The following MALRD1 variants were observed in gnomAD, a reference collection of about 807,000 sequenced individuals.
MALRD1 encodes the protein MAM and LDL receptor class A domain containing 1, also known as MAM and LDL-receptor class A domain-containing protein 1.
In MALRD1, 247 loss-of-function variants were observed where a neutral mutation model predicts 242.1. The ratio of observed to expected loss-of-function variants is 1.02; its 90% CI spans 0.92 to 1.13. MALRD1 has a LOEUF of 1.13. Ranked by LOEUF, MALRD1 falls within the 50% of genes most tolerant of loss-of-function variation. The pLI is 0.00. For missense variants in MALRD1, 2,989 were observed against 2,533.1 expected, an observed-to-expected ratio of 1.18 and a Z score of -3.86; for synonymous variants, 995 against 866.6, an observed-to-expected ratio of 1.15 and a Z score of -2.60.
rs545990722 is a variant in MALRD1 at position 19,454,366 on chromosome 10, G to C, written c.5029+3876G>C. Among the ~76,000 whole-genome samples, 651 of 134,776 alleles carry C rather than the reference G, an allele frequency of 4.8e-3. 9 individuals carry two copies. The highest frequency in any genetic ancestry group is 0.018 in the African/African-American group (619 of 35,016). 88.4% of individuals were successfully genotyped at this position (134,776 alleles called of 152,430 possible). On this transcript the variant is annotated intron_variant, in intron 29 of 39. Coordinates refer to ENST00000454679, the MANE Select transcript of MALRD1 (RefSeq NM_001142308.3). ...GAAAATGCAGCCAGGTTTGAGAATT[G>C]GTTGTGAGTAGAAATGAGGAAAGGT...
intron 34 of MALRD1, 134 bp from the exon 35 acceptor site, chr10:19,607,643 T>G: frequency 3.4e-6 from 4 of 1,191,132 alleles, no homozygotes; most frequent in Non-Finnish European, 4.5e-6. Context: ...AAAAGAACTG[T>G]GTTCTAAAAT....
chr10:19,183,896 A>G (rs538182893), intron 14 of MALRD1, among the ~76,000 whole-genome samples: 8 of 152,336 alleles, frequency 5.3e-5, no homozygotes, highest in African/African-American at 1.9e-4. Context: ...CCAGGTGTAC[A>G]GGTTTTCAAG....
At chr10:19,491,108 A>G (rs1320132894) in intron 29 of MALRD1, 12 of 341,588 alleles carry the variant, frequency 3.5e-5, no homozygotes, top group African/African-American at 2.1e-4. Flanking sequence ...TGTCTTTGCT[A>G]TAGACTCAGA....
chr10:19,216,261 G>A (rs1013417778), intron 18 of MALRD1, among the ~76,000 whole-genome samples: 4 of 151,612 alleles, frequency 2.6e-5, no homozygotes, highest in African/African-American at 9.7e-5. Flanking sequence ...GGGACTATAG[G>A]TGCCTGCCAC....
At chr10:19,424,646 A>T (rs1253587302) in intron 28 of MALRD1, among the ~76,000 whole-genome samples, 1 of 152,186 alleles carries the variant, frequency 6.6e-6, no homozygotes, top group Non-Finnish European at 1.5e-5. Flanking sequence ...AAATGTGTTC[A>T]TTGCTTTTGT....
intron 18 of MALRD1, among the ~76,000 whole-genome samples, chr10:19,247,054 G>A (rs1419041352): frequency 1.3e-5 from 2 of 152,036 alleles, no homozygotes; most frequent in African/African-American, 4.8e-5. Flanking sequence ...GATGAAAGAT[G>A]TTTAGCAAAA....
intron 2 of MALRD1, among the ~76,000 whole-genome samples, chr10:19,077,529 T>C (rs573868632): frequency 6.6e-6 from 1 of 151,926 alleles, no homozygotes; most frequent in Non-Finnish European, 1.5e-5. Context: ...TTCAAGAGTT[T>C]GGAGTTCTGA....
intron 4 of MALRD1, among the ~76,000 whole-genome samples, 181 bp from the exon 5 acceptor site, chr10:19,103,798 C>G (rs1417314153): frequency 6.6e-6 from 1 of 152,146 alleles, no homozygotes; most frequent in Non-Finnish European, 1.5e-5. Context: ...GATGACCCTG[C>G]ATTTCTTTGT....
intron 19 of MALRD1, among the ~76,000 whole-genome samples, chr10:19,268,854 G>T (rs1051421733): frequency 1.3e-5 from 2 of 152,162 alleles, no homozygotes; most frequent in Non-Finnish European, 2.9e-5. Flanking sequence ...AACTTACAGA[G>T]TGAGGAGTTA....
chr10:19,165,746 C>G lies in MALRD1; in HGVS notation c.1766C>G (p.Ser589Cys). The G allele has an allele frequency of 1.6e-6, 2 of 1,231,702 alleles. No homozygotes were observed. Among genetic ancestry groups the G allele is most frequent in the Non-Finnish European group, 2.0e-6 (2 of 987,958 alleles). The allele number at this position is 1,231,702 out of a possible 1,614,324, so 76.3% of individuals were successfully genotyped here. ...GGCAAAATAATCAGATTCTCCGAAT[C>G]TCAGTGGAGCCACGCAAAAATTGAT... ...KQGKIIRFSE[S>C]QWSHAKIDLI... The change falls in exon 13 of 40, where the codon TCT becomes TGT. Residue 589 changes from serine (S) to cysteine (C), a missense_variant. Physicochemically the swap from Ser to Cys is moderately radical, Grantham distance 112 (BLOSUM62 -1). Coordinates refer to ENST00000454679, the MANE Select transcript of MALRD1 (RefSeq NM_001142308.3).
chr10:19,563,987 C>T (rs1404827803), intron 32 of MALRD1, among the ~76,000 whole-genome samples: 2 of 152,194 alleles, frequency 1.3e-5, no homozygotes, highest in African/African-American at 4.8e-5. Context: ...AATGTGCCTG[C>T]TCCCAGTTGG....
chr10:19,227,291 A>G (rs1158560262), intron 18 of MALRD1, among the ~76,000 whole-genome samples: 1 of 152,032 alleles, frequency 6.6e-6, no homozygotes, highest in Admixed American at 6.6e-5. Context: ...CATGAAGAAG[A>G]CATATATATC....
chr10:19,238,912 C>T (rs964814018), intron 18 of MALRD1, among the ~76,000 whole-genome samples: 2 of 151,748 alleles, frequency 1.3e-5, no homozygotes, highest in South Asian at 2.1e-4. Context: ...TTGGTAATAG[C>T]CATTCTAATG....
intron 18 of MALRD1, among the ~76,000 whole-genome samples, chr10:19,216,266 T>A (rs532344222): frequency 1.3e-3 from 198 of 151,858 alleles, no homozygotes; most frequent in Admixed American, 4.2e-3. Flanking sequence ...TATAGGTGCC[T>A]GCCACCACAC....
intron 28 of MALRD1, among the ~76,000 whole-genome samples, chr10:19,440,067 C>G (rs1834548771): frequency 6.6e-6 from 1 of 152,196 alleles, no homozygotes. Context: ...TTACCACTGT[C>G]TGATTGCCAA....
intron 36 of MALRD1, among the ~76,000 whole-genome samples, chr10:19,676,215 C>A (rs568184891): frequency 7.2e-5 from 11 of 152,278 alleles, no homozygotes; most frequent in Non-Finnish European, 1.3e-4. Flanking sequence ...GGACAAGATT[C>A]TAAAAGCTGT....
intron 29 of MALRD1, among the ~76,000 whole-genome samples, chr10:19,461,680 C>CA (rs5783679): frequency 0.82 from 123,837 of 151,744 alleles, 50,711 homozygotes; most frequent in East Asian, 1. Flanking sequence ...CCCATCTCTA[C>CA]AAAAAATTTT....
chr10:19,196,317 G>A (rs1283509328), intron 14 of MALRD1, among the ~76,000 whole-genome samples: 1 of 151,760 alleles, frequency 6.6e-6, no homozygotes, highest in African/African-American at 2.4e-5. Flanking sequence ...AGAATTCACT[G>A]TATTCACTTT....
intron 24 of MALRD1, among the ~76,000 whole-genome samples, chr10:19,334,988 C>T (rs1415221223): frequency 5.9e-5 from 9 of 151,938 alleles, no homozygotes; most frequent in Admixed American, 1.3e-4. Context: ...TAAAGTTGTG[C>T]GTATTTCTAG....
Sources: gnomAD v4.1 joint callset for allele counts (sites outside exome capture counted in the v4.1 genomes callset) on GRCh38, gnomAD v4.1.1 for gene constraint, MANE v1.5 for transcripts, NCBI Gene and HGNC (gene_info 2026-07-23, HGNC 2026-07-21) for gene names.